The following TMEM135 variants were observed in gnomAD, a reference collection of about 807,000 sequenced individuals.
TMEM135 encodes transmembrane protein 135.
Under a neutral mutation model 60.3 loss-of-function variants are expected in TMEM135, and 30 were observed. The observed-to-expected ratio is 0.50, with a 90% CI of 0.37 to 0.68. The LOEUF (loss-of-function observed/expected upper bound fraction) is 0.68. TMEM135 is among the 30% of genes least tolerant of loss of function. TMEM135 has a pLI of 0.00. For missense variants in TMEM135, 468 were observed against 548.8 expected (o/e 0.85, Z 1.47); for synonymous variants, 190 against 186.7 (o/e 1.02, Z -0.14).
chr11:87,041,283 ATTTTTT>A (rs36088444), intron 1 of TMEM135, among the ~76,000 whole-genome samples: 1 of 145,638 alleles, frequency 6.9e-6, no homozygotes, highest in East Asian at 2.0e-4. Flanking sequence ...TTCGGTTCTC[ATTTTTT>A]TTTTTTTTTG....
chr11:87,137,249 C>T (rs1305347215), intron 4 of TMEM135, among the ~76,000 whole-genome samples: 1 of 144,818 alleles, frequency 6.9e-6, no homozygotes, highest in Non-Finnish European at 1.5e-5. Context: ...TCATCTCTGG[C>T]ACTCTATGCC....
intron 5 of TMEM135, among the ~76,000 whole-genome samples, chr11:87,225,118 A>G (rs887729933): frequency 6.6e-6 from 1 of 152,182 alleles, no homozygotes; most frequent in African/African-American, 2.4e-5. Flanking sequence ...TGAAAATAGT[A>G]TGAAAATTTC....
chr11:87,058,025 C>G (rs944055927), intron 1 of TMEM135, among the ~76,000 whole-genome samples: 1 of 152,142 alleles, frequency 6.6e-6, no homozygotes, highest in South Asian at 2.1e-4. Flanking sequence ...GTGTTTCAGT[C>G]AGGTCTGAAG....
chr11:87,271,623 G>A (rs1304223281), intron 6 of TMEM135, among the ~76,000 whole-genome samples: 1 of 152,164 alleles, frequency 6.6e-6, no homozygotes, highest in South Asian at 2.1e-4. Flanking sequence ...GATATATTGG[G>A]TTAAGTGAAA....
chr11:87,102,321 T>C (rs1857475271), intron 4 of TMEM135, among the ~76,000 whole-genome samples: 1 of 152,146 alleles, frequency 6.6e-6, no homozygotes, highest in Non-Finnish European at 1.5e-5. Flanking sequence ...GGAAACACTT[T>C]GCTTACATTT....
chr11:87,060,833 G>A (rs1590987599), intron 1 of TMEM135, among the ~76,000 whole-genome samples: 1 of 151,992 alleles, frequency 6.6e-6, no homozygotes, highest in African/African-American at 2.4e-5. Context: ...TAGTAGAGAC[G>A]GGGTTTCACT....
At position 87,107,408 on chromosome 11, in the gene TMEM135, T is replaced by TC. The variant is rs1400052069; in HGVS notation, c.396+16019dup. On this transcript the variant is annotated intron_variant, in intron 4 of 14. Transcript: ENST00000305494. ...TAGGTGTTTCTCCTAATGCTATCCA[T>TC]CCCCCCTCCCCCCACCCCACGACAA... 2.4e-4 allele frequency among the ~76,000 whole-genome samples: 35 copies of TC among 148,872 alleles called. 1 individual carries two copies. The highest frequency in any genetic ancestry group is 2.2e-3 in the Admixed American group (33 of 14,950).
intron 4 of TMEM135, among the ~76,000 whole-genome samples, chr11:87,155,995 G>A (rs902384219): frequency 2.6e-5 from 4 of 152,156 alleles, no homozygotes; most frequent in Non-Finnish European, 5.9e-5. Flanking sequence ...TTCTTACAAG[G>A]AAGTGGGTCA....
chr11:87,172,541 G>A (rs1441693117), intron 5 of TMEM135, among the ~76,000 whole-genome samples: 1 of 151,766 alleles, frequency 6.6e-6, no homozygotes, highest in Admixed American at 6.6e-5. Flanking sequence ...AAGTAATATA[G>A]AATATTTAAT....
At chr11:87,276,665 A>ATTT (rs11340916) in intron 6 of TMEM135, among the ~76,000 whole-genome samples, 3,184 of 115,592 alleles carry the variant, frequency 0.028, 195 homozygotes, top group African/African-American at 0.096. Flanking sequence ...GTGTTTGTGA[A>ATTT]TTTTTTTTTT....
At chr11:87,124,695 A>G (rs2135221858) in intron 4 of TMEM135, among the ~76,000 whole-genome samples, 1 of 152,244 alleles carries the variant, frequency 6.6e-6, no homozygotes, top group East Asian at 1.9e-4. Flanking sequence ...TCTTTCCTCT[A>G]TGTTAGGTTA....
chr11:87,140,885 A>G (rs1430754915), intron 4 of TMEM135, among the ~76,000 whole-genome samples: 2 of 152,168 alleles, frequency 1.3e-5, no homozygotes, highest in Non-Finnish European at 1.5e-5. Flanking sequence ...TGAAGAACCT[A>G]TTGATTCTCC....
chr11:87,321,099 C>T, intron 14 of TMEM135, 102 bp from the exon 15 acceptor site: 1 of 1,114,314 alleles, frequency 9.0e-7, no homozygotes, highest in Admixed American at 2.3e-5. Flanking sequence ...CCACGTTAGC[C>T]TTTTCTGTTT....
At chr11:87,143,389 A>G in intron 4 of TMEM135, among the ~76,000 whole-genome samples, 1 of 145,628 alleles carries the variant, frequency 6.9e-6, no homozygotes, top group East Asian at 2.0e-4. Flanking sequence ...TAAGCTGACC[A>G]TGGAGCACAC....
At chr11:87,249,368 A>G (rs1203942475) in intron 6 of TMEM135, among the ~76,000 whole-genome samples, 1 of 151,988 alleles carries the variant, frequency 6.6e-6, no homozygotes, top group African/African-American at 2.4e-5. Context: ...TTTGTTTTTC[A>G]TAGTTTATAT....
intron 5 of TMEM135, among the ~76,000 whole-genome samples, chr11:87,163,235 T>C (rs1311294688): frequency 4.4e-5 from 6 of 135,182 alleles, no homozygotes; most frequent in Non-Finnish European, 1.6e-5. Flanking sequence ...CCCCTTCCTG[T>C]GTCCATGTGA....
intron 5 of TMEM135, among the ~76,000 whole-genome samples, chr11:87,202,279 A>G (rs1159918526): frequency 6.6e-6 from 1 of 151,608 alleles, no homozygotes; most frequent in East Asian, 1.9e-4. Context: ...ACCCACCTCG[A>G]CCTCCCAAAG....
chr11:87,070,632 T>A (rs1334475123), intron 2 of TMEM135, among the ~76,000 whole-genome samples: 2 of 137,310 alleles, frequency 1.5e-5, no homozygotes, highest in Non-Finnish European at 1.5e-5. Context: ...CAAGACTCCA[T>A]CTAAAAACAA....
intron 5 of TMEM135, among the ~76,000 whole-genome samples, chr11:87,185,179 C>G (rs1415932618): frequency 6.6e-6 from 1 of 152,126 alleles, no homozygotes; most frequent in Non-Finnish European, 1.5e-5. Flanking sequence ...AATATAAACA[C>G]AATGCTATTC....
Sources: gnomAD v4.1 joint callset for allele counts (sites outside exome capture counted in the v4.1 genomes callset) on GRCh38, gnomAD v4.1.1 for gene constraint, MANE v1.5 for transcripts, NCBI Gene and HGNC (gene_info 2026-07-23, HGNC 2026-07-21) for gene names.